MALRD1: variants seen among roughly 807,000 people sequenced by gnomAD.
The protein encoded by MALRD1 is MAM and LDL receptor class A domain containing 1.
Under a neutral mutation model 242.1 loss-of-function variants are expected in MALRD1, and 247 were observed. That is an observed-to-expected ratio of 1.02 (90% CI 0.92 to 1.13). MALRD1 has a LOEUF of 1.13. Ranked by LOEUF, MALRD1 falls within the 50% of genes most tolerant of loss-of-function variation. The pLI, the probability that MALRD1 is intolerant of heterozygous loss-of-function variation, is 0.00. For missense variants in MALRD1, 2,989 were observed against 2,533.1 expected, an observed-to-expected ratio of 1.18 and a Z score of -3.86; for synonymous variants, 995 against 866.6, an observed-to-expected ratio of 1.15 and a Z score of -2.60.
intron 30 of MALRD1, among the ~76,000 whole-genome samples, chr10:19,492,569 A>G (rs964223921): frequency 1.3e-5 from 2 of 152,196 alleles, no homozygotes; most frequent in Admixed American, 1.3e-4. Flanking sequence ...AGAGTACTCC[A>G]TGTGGCTTGG....
At chr10:19,250,293 T>G (rs1238648700) in intron 18 of MALRD1, among the ~76,000 whole-genome samples, 1 of 151,946 alleles carries the variant, frequency 6.6e-6, no homozygotes, top group Admixed American at 6.6e-5. Flanking sequence ...CTTCTTCACT[T>G]TTTTCTAAAA....
At chr10:19,525,055 C>T (rs1384250301) in intron 31 of MALRD1, among the ~76,000 whole-genome samples, 1 of 151,322 alleles carries the variant, frequency 6.6e-6, no homozygotes. Context: ...CAGGCATGTA[C>T]CACCATGCCC....
At chr10:19,195,589 T>C (rs1836199576) in intron 14 of MALRD1, among the ~76,000 whole-genome samples, 1 of 152,180 alleles carries the variant, frequency 6.6e-6, no homozygotes, top group Non-Finnish European at 1.5e-5. Flanking sequence ...TTCTGAGACT[T>C]TCCTCCAAAC....
intron 31 of MALRD1, among the ~76,000 whole-genome samples, chr10:19,514,080 G>A (rs79435932): frequency 0.037 from 5,649 of 152,184 alleles, 201 homozygotes; most frequent in African/African-American, 0.093. Context: ...TAGCTTTCAG[G>A]AACCTAACAG....
intron 36 of MALRD1, among the ~76,000 whole-genome samples, chr10:19,627,936 G>C (rs1839738361): frequency 6.6e-6 from 1 of 151,784 alleles, no homozygotes; most frequent in Non-Finnish European, 1.5e-5. Flanking sequence ...AAAATAAATG[G>C]TCAACACACA....
chr10:19,405,582 C>G (rs981541976), intron 28 of MALRD1, among the ~76,000 whole-genome samples: 5 of 152,194 alleles, frequency 3.3e-5, no homozygotes, highest in Non-Finnish European at 7.3e-5. Flanking sequence ...AAAACACCAA[C>G]ACAAGGCTTA....
chr10:19,048,865 A>G lies in MALRD1; in HGVS notation c.-74A>G. The G allele has an allele frequency of 8.9e-7, 1 of 1,118,928 alleles. No individual in the cohort carries two copies. The highest frequency in any genetic ancestry group is 1.6e-5 in the African/African-American group (1 of 62,290). 69.3% of individuals were successfully genotyped at this position (1,118,928 alleles called of 1,614,324 possible). ...AGCAAATCTGGGAAAGGAAGAATAG[A>G]GAAATAAAAGAATGTTTCCAATGAT... On this transcript the variant is annotated 5_prime_UTR_variant, in exon 1 of 40. Transcript: ENST00000454679.
intron 5 of MALRD1, among the ~76,000 whole-genome samples, chr10:19,122,975 C>T (rs555625924): frequency 1.2e-4 from 18 of 152,318 alleles, no homozygotes; most frequent in Admixed American, 7.2e-4. Context: ...ATCCACCCTC[C>T]TTGGCCTCCC....
chr10:19,729,721 C>CTGTTTTTTTTT (rs1835201830), intron 38 of MALRD1, among the ~76,000 whole-genome samples: 1 of 40,642 alleles, frequency 2.5e-5, no homozygotes, highest in Non-Finnish European at 4.2e-5. Context: ...TCTATTAATT[C>CTGTTTTTTTTT]TTTTTTTTTT....
At chr10:19,394,987 C>G (rs1846516157) in intron 28 of MALRD1, among the ~76,000 whole-genome samples, 1 of 152,142 alleles carries the variant, frequency 6.6e-6, no homozygotes, top group African/African-American at 2.4e-5. Context: ...TTCATAGAAT[C>G]TAGATAGGGA....
Position 19,195,614 on chromosome 10 carries a change from T to G in MALRD1, c.1952-8114T>G, listed in dbSNP as rs1287295484. On this transcript the variant is annotated intron_variant, in intron 14 of 39. Coordinates refer to ENST00000454679, the MANE Select transcript of MALRD1 (RefSeq NM_001142308.3). ...TTCCTCCAAACACAGTCTTAGAGTA[T>G]GTCCGGGGTTAGAAATGACAACACC... Among the ~76,000 whole-genome samples the G allele has an allele frequency of 2.0e-5, 3 of 152,324 alleles. No individual in the cohort carries two copies. In the East Asian group the frequency reaches 5.8e-4, roughly 29 times the overall value.
rs375329335 is a variant in MALRD1 at position 19,719,195 on chromosome 10, C to CATAT, written c.6315-11497_6315-11494dup. Among the ~76,000 whole-genome samples, 7 of 18,792 alleles carry CATAT rather than the reference C, an allele frequency of 3.7e-4. No individual in the cohort carries two copies. In the East Asian group the frequency reaches 9.3e-3, roughly 25 times the overall value. The allele number at this position is 18,792 out of a possible 152,430, so 12.3% of individuals were successfully genotyped here. A position where few individuals can be genotyped will look rare whatever the true frequency, so the allele number is the denominator to read the frequency against. ...ACATACATATATATATATATACATA[C>CATAT]ATATATATATATATATACACATACA... On this transcript the variant is annotated intron_variant, in intron 38 of 39. Coordinates refer to ENST00000454679, the MANE Select transcript of MALRD1 (RefSeq NM_001142308.3).
intron 4 of MALRD1, among the ~76,000 whole-genome samples, chr10:19,097,503 T>G (rs1466573183): frequency 6.6e-6 from 1 of 152,198 alleles, no homozygotes; most frequent in Non-Finnish European, 1.5e-5. Flanking sequence ...GCAATTAATT[T>G]TACTGTTGTC....
At chr10:19,733,500 A>C (rs888415655) in intron 39 of MALRD1, among the ~76,000 whole-genome samples, 1 of 152,098 alleles carries the variant, frequency 6.6e-6, no homozygotes, top group African/African-American at 2.4e-5. Flanking sequence ...TTGTCTCATT[A>C]AAACCTAAAA....
At chr10:19,270,844 G>GCA (rs1243239787) in intron 19 of MALRD1, among the ~76,000 whole-genome samples, 210 of 79,846 alleles carry the variant, frequency 2.6e-3, no homozygotes, top group African/African-American at 8.0e-3. Flanking sequence ...ACACACACAC[G>GCA]CACACACAAA....
chr10:19,294,926 A>C (rs1841620182), intron 21 of MALRD1, among the ~76,000 whole-genome samples: 2 of 152,100 alleles, frequency 1.3e-5, no homozygotes, highest in African/African-American at 4.8e-5. Context: ...ATTTTTAATA[A>C]ATATGCATTT....
intron 26 of MALRD1, among the ~76,000 whole-genome samples, chr10:19,360,780 T>C (rs533043708): frequency 6.6e-6 from 1 of 152,216 alleles, no homozygotes; most frequent in Admixed American, 6.6e-5. Context: ...ATGACATCAT[T>C]ATGTATGAAA....
At chr10:19,567,047 A>G (rs2131460605) in intron 32 of MALRD1, among the ~76,000 whole-genome samples, 1 of 152,298 alleles carries the variant, frequency 6.6e-6, no homozygotes. Flanking sequence ...TCTGTCTTCA[A>G]AATGTTAAAA....
chr10:19,157,703 G>A (rs1300447832), intron 12 of MALRD1, among the ~76,000 whole-genome samples: 1 of 152,182 alleles, frequency 6.6e-6, no homozygotes, highest in Non-Finnish European at 1.5e-5. Flanking sequence ...GTAGAGTCAA[G>A]CAGTGAGATA....
Sources: allele counts gnomAD v4.1 joint callset (sites outside exome capture counted in the v4.1 genomes callset), GRCh38; gene constraint gnomAD v4.1.1; transcripts MANE v1.5; gene names NCBI Gene and HGNC (gene_info 2026-07-23, HGNC 2026-07-21).